LGSN: variants seen among roughly 807,000 people sequenced by gnomAD.
LGSN encodes lengsin, lens protein with glutamine synthetase domain.
In LGSN, 21 loss-of-function variants were observed where a neutral mutation model predicts 19.5. The ratio of observed to expected loss-of-function variants is 1.07; its 90% CI spans 0.76 to 1.55. The LOEUF is 1.55. Ranked by LOEUF, LGSN falls within the 40% of genes most tolerant of loss-of-function variation. The pLI, the probability that LGSN is intolerant of heterozygous loss-of-function variation, is 0.00. For synonymous variants in LGSN, 257 were observed against 215.6 expected, an observed-to-expected ratio of 1.19 and a Z score of -1.68; for missense variants, 673 against 608.5, an observed-to-expected ratio of 1.11 and a Z score of -1.12.
the LGSN span, among the ~76,000 whole-genome samples, chr6:63,520,091 TCAAA>T: frequency 6.6e-6 from 1 of 152,224 alleles, no homozygotes; most frequent in Non-Finnish European, 1.5e-5. Context: ...AACATAATTA[TCAAA>T]CAAAAACTAA....
the LGSN span, among the ~76,000 whole-genome samples, chr6:63,421,789 A>C: frequency 1.3e-5 from 2 of 152,166 alleles, no homozygotes; most frequent in African/African-American, 4.8e-5. Context: ...GAAAATAGGG[A>C]AGAAAATGAA....
At chr6:63,413,491 G>T in the LGSN span, among the ~76,000 whole-genome samples, 2 of 152,062 alleles carry the variant, frequency 1.3e-5, no homozygotes, top group Admixed American at 6.6e-5. Context: ...TGATGACATT[G>T]CTTTATGAAT....
the LGSN span, among the ~76,000 whole-genome samples, chr6:63,486,611 A>C: frequency 6.6e-6 from 1 of 151,648 alleles, no homozygotes; most frequent in Non-Finnish European, 1.5e-5. Context: ...AGCTAACCCG[A>C]TCTTTCAAAG....
At chr6:63,468,189 G>T in the LGSN span, among the ~76,000 whole-genome samples, 1 of 152,062 alleles carries the variant, frequency 6.6e-6, no homozygotes, top group African/African-American at 2.4e-5. Flanking sequence ...GGAGTGGAAT[G>T]GTGCAATCTT....
chr6:63,370,327 G>A, the LGSN span, among the ~76,000 whole-genome samples: 1 of 152,116 alleles, frequency 6.6e-6, no homozygotes, highest in Non-Finnish European at 1.5e-5. Context: ...TGACTTAGTA[G>A]GTGTGAACAC....
chr6:63,349,187 GGTTGTTTT>G, the LGSN span, among the ~76,000 whole-genome samples: 3 of 152,094 alleles, frequency 2.0e-5, 1 homozygote, highest in African/African-American at 7.2e-5. Context: ...TCAAACTTTT[GGTTGTTTT>G]GTTGTTATTG....
At chr6:63,566,545 A>G in the LGSN span, among the ~76,000 whole-genome samples, 1 of 152,206 alleles carries the variant, frequency 6.6e-6, no homozygotes, top group Admixed American at 6.5e-5. Flanking sequence ...GGAAGTGGGG[A>G]AAACGGGTAC....
the LGSN span, among the ~76,000 whole-genome samples, chr6:63,455,135 A>T: frequency 1.3e-5 from 2 of 152,150 alleles, no homozygotes; most frequent in African/African-American, 4.8e-5. Flanking sequence ...ACAACATCCC[A>T]CCAATAGAAC....
chr6:63,278,876 G>C lies in LGSN; in HGVS notation c.*1145C>G, dbSNP rs911259891. The C allele has an allele frequency of 1.3e-5, 2 of 152,132 alleles. No homozygotes were observed. Among genetic ancestry groups the C allele is most frequent in the Admixed American group, 6.5e-5 (1 of 15,276 alleles). 9.4% of individuals were successfully genotyped at this position (152,132 alleles called of 1,614,324 possible). The stretch of plus-strand genomic sequence containing the variant: ...TGAGCCAAATTCTAATCCTCTGCTT[G>C]TGCAATTGCTATCTAAATTGAGACT... On this transcript the variant is annotated 3_prime_UTR_variant, in exon 4 of 4. Transcript: ENST00000370657.
chr6:63,488,803 G>A, the LGSN span, among the ~76,000 whole-genome samples: 2 of 150,492 alleles, frequency 1.3e-5, no homozygotes, highest in African/African-American at 4.9e-5. Flanking sequence ...GGGCAACAAA[G>A]CAAGACTCCA....
chr6:63,487,512 T>C, the LGSN span, among the ~76,000 whole-genome samples: 2 of 152,326 alleles, frequency 1.3e-5, no homozygotes, highest in Admixed American at 1.3e-4. Context: ...CTCTTTAATA[T>C]TTTTTGCTTT....
chr6:63,483,059 C>T, the LGSN span, among the ~76,000 whole-genome samples: 1 of 152,200 alleles, frequency 6.6e-6, no homozygotes, highest in East Asian at 1.9e-4. Flanking sequence ...GTTCTCATTA[C>T]TAAGACTAGA....
chr6:63,465,947 T>C, the LGSN span, among the ~76,000 whole-genome samples: 1 of 152,246 alleles, frequency 6.6e-6, no homozygotes, highest in Non-Finnish European at 1.5e-5. Flanking sequence ...GATCATATTG[T>C]GCCTATGAAT....
chr6:63,394,665 T>G, the LGSN span, among the ~76,000 whole-genome samples: 6 of 152,240 alleles, frequency 3.9e-5, no homozygotes, highest in Non-Finnish European at 7.3e-5. Flanking sequence ...AAACTCGCTT[T>G]CACTTTACTC....
At chr6:63,423,846 T>C in the LGSN span, among the ~76,000 whole-genome samples, 1 of 152,152 alleles carries the variant, frequency 6.6e-6, no homozygotes, top group Non-Finnish European at 1.5e-5. Flanking sequence ...GAGACCATCC[T>C]GGCCAACGTG....
the LGSN span, chr6:63,548,701 T>C: frequency 2.2e-5 from 13 of 600,716 alleles, no homozygotes; most frequent in Non-Finnish European, 3.6e-5. Flanking sequence ...AACTCAACAG[T>C]GTACATTTAA....
the LGSN span, among the ~76,000 whole-genome samples, chr6:63,524,813 T>C: frequency 6.6e-6 from 1 of 152,222 alleles, no homozygotes; most frequent in Non-Finnish European, 1.5e-5. Context: ...ATCATTTCCT[T>C]TTTATATGTT....
chr6:63,548,899 A>G, the LGSN span: 1 of 878,650 alleles, frequency 1.1e-6, no homozygotes, highest in Admixed American at 1.7e-5. Context: ...ACCTGTATGA[A>G]GGCGACAGTG....
At chr6:63,437,444 C>A in the LGSN span, among the ~76,000 whole-genome samples, 1 of 152,034 alleles carries the variant, frequency 6.6e-6, no homozygotes, top group Non-Finnish European at 1.5e-5. Flanking sequence ...TTTTTTGAGA[C>A]AGAGTCTCAC....
Sources: allele counts gnomAD v4.1 joint callset (sites outside exome capture counted in the v4.1 genomes callset), GRCh38; gene constraint gnomAD v4.1.1; transcripts MANE v1.5; gene names NCBI Gene and HGNC (gene_info 2026-07-23, HGNC 2026-07-21).